LRBA: variants seen among roughly 807,000 people sequenced by gnomAD.
LRBA encodes LPS responsive beige-like anchor protein.
LRBA carries 176 observed loss-of-function variants against 330.0 expected under a neutral mutation model. The ratio of observed to expected loss-of-function variants is 0.53; its 90% CI spans 0.47 to 0.60. The LOEUF (loss-of-function observed/expected upper bound fraction) is 0.60, where lower values mean the gene tolerates loss of function less well. Ranked by LOEUF, LRBA falls within the 20% of genes least tolerant of loss-of-function variation. LRBA has a pLI of 0.00. For synonymous variants in LRBA, 1,230 were observed against 1,193.0 expected (o/e 1.03, Z -0.64); for missense variants, 3,259 against 3,444.8 (o/e 0.95, Z 1.35).
chr4:150,891,326 A>G (rs753430106), intron 17 of LRBA, among the ~76,000 whole-genome samples: 2 of 152,248 alleles, frequency 1.3e-5, no homozygotes, highest in Non-Finnish European at 2.9e-5. Context: ...ACTTTGTTTG[A>G]CAGCAAAACT....
chr4:150,471,016 C>T (rs927193720), intron 43 of LRBA, among the ~76,000 whole-genome samples: 16 of 152,226 alleles, frequency 1.1e-4, no homozygotes, highest in African/African-American at 3.6e-4. Flanking sequence ...AAAAGTTTCC[C>T]AATGAACTGA....
chr4:150,946,173 T>C (rs1736226296), intron 2 of LRBA, among the ~76,000 whole-genome samples: 1 of 152,232 alleles, frequency 6.6e-6, no homozygotes, highest in Non-Finnish European at 1.5e-5. Flanking sequence ...TGAAAGCTAC[T>C]AATTTTATCT....
intron 2 of LRBA, among the ~76,000 whole-genome samples, chr4:150,955,737 C>G (rs1412248756): frequency 2.0e-5 from 3 of 148,488 alleles, no homozygotes; most frequent in Non-Finnish European, 2.9e-5. Context: ...ACTAAAAATA[C>G]AAAAATTACC....
chr4:151,009,146 AGGCATGAGCCACT>A (rs1247232851), intron 2 of LRBA, among the ~76,000 whole-genome samples: 8 of 149,508 alleles, frequency 5.4e-5, no homozygotes, highest in African/African-American at 7.4e-5. Flanking sequence ...CTGGGATTAT[AGGCATGAGCCACT>A]GTGCCCAGCT....
intron 56 of LRBA, among the ~76,000 whole-genome samples, chr4:150,275,095 T>C (rs998338755): frequency 6.6e-6 from 1 of 152,184 alleles, no homozygotes; most frequent in Non-Finnish European, 1.5e-5. Context: ...TCAAGTGGGC[T>C]TCATCCCTAG....
At chr4:150,442,929 A>ATT (rs1752023328) in intron 44 of LRBA, among the ~76,000 whole-genome samples, 1 of 152,148 alleles carries the variant, frequency 6.6e-6, no homozygotes, top group African/African-American at 2.4e-5. Context: ...CTCCAGGGAA[A>ATT]AACTATGATA....
At chr4:150,728,727 G>T (rs1312673048) in intron 36 of LRBA, among the ~76,000 whole-genome samples, 2 of 150,680 alleles carry the variant, frequency 1.3e-5, no homozygotes, top group Admixed American at 6.6e-5. Context: ...ATATATGACA[G>T]ACCCACAACC....
chr4:150,572,194 CT>C (rs1407611104), intron 40 of LRBA, among the ~76,000 whole-genome samples: 10 of 152,086 alleles, frequency 6.6e-5, no homozygotes, highest in Admixed American at 1.3e-4. Flanking sequence ...ATTCATCAAA[CT>C]TTAGTCATTA....
intron 47 of LRBA, among the ~76,000 whole-genome samples, chr4:150,371,793 A>G (rs573151656): frequency 4.6e-5 from 7 of 152,292 alleles, no homozygotes; most frequent in East Asian, 3.9e-4. Flanking sequence ...GATACCATAA[A>G]GCTTAAAGTT....
At chr4:150,684,868 G>A (rs763311368) in intron 36 of LRBA, among the ~76,000 whole-genome samples, 1 of 151,960 alleles carries the variant, frequency 6.6e-6, no homozygotes, top group Non-Finnish European at 1.5e-5. Flanking sequence ...TACCAGTTTC[G>A]ATAGATTGCT....
At chr4:150,567,147 AT>A (rs2152278479) in intron 40 of LRBA, among the ~76,000 whole-genome samples, 1 of 152,272 alleles carries the variant, frequency 6.6e-6, no homozygotes, top group South Asian at 2.1e-4. Context: ...GACTGCAATC[AT>A]TTTATTAAAA....
intron 56 of LRBA, among the ~76,000 whole-genome samples, chr4:150,271,066 G>T (rs1446774868): frequency 6.6e-6 from 1 of 152,166 alleles, no homozygotes; most frequent in Non-Finnish European, 1.5e-5. Flanking sequence ...GCAAGCCGAA[G>T]CAGGGTGGGG....
At chr4:150,751,643 T>C (rs1293491791) in intron 35 of LRBA, among the ~76,000 whole-genome samples, 1 of 152,084 alleles carries the variant, frequency 6.6e-6, no homozygotes, top group Non-Finnish European at 1.5e-5. Context: ...AATGTCTAAA[T>C]GCAGAGCATA....
chr4:150,465,333 T>C (rs937599716), intron 44 of LRBA, among the ~76,000 whole-genome samples: 1 of 152,170 alleles, frequency 6.6e-6, no homozygotes, highest in Non-Finnish European at 1.5e-5. Context: ...TTCTATCTCT[T>C]AGCTGTTGTG....
rs1728588092 is a variant in LRBA, at chr4:150,718,996, A to T, written c.5754+16262T>A. Among the ~76,000 whole-genome samples the T allele has an allele frequency of 3.3e-5, 5 of 152,214 alleles. No individual in the cohort carries two copies. The South Asian group carries it at 8.3e-4, about 25-fold the overall frequency. On this transcript the variant is annotated intron_variant, in intron 36 of 56. Coordinates refer to ENST00000651943, the MANE Select transcript of LRBA (RefSeq NM_001364905.1). ...AACTTATAAAATGAGGGATAATATC[A>T]GTACTATCTCAGAGGTTTGTTGTAA...
intron 40 of LRBA, among the ~76,000 whole-genome samples, chr4:150,517,673 G>T (rs1367246553): frequency 1.3e-5 from 2 of 152,102 alleles, no homozygotes; most frequent in African/African-American, 4.8e-5. Flanking sequence ...TAAGCTGCGG[G>T]TATATTCACA....
intron 52 of LRBA, among the ~76,000 whole-genome samples, chr4:150,303,004 C>T (rs988009048): frequency 3.9e-5 from 6 of 152,108 alleles, no homozygotes; most frequent in African/African-American, 1.4e-4. Flanking sequence ...TTTTGAAAGG[C>T]ATGTGTTAAA....
chr4:150,461,770 G>A (rs764301574), intron 44 of LRBA, among the ~76,000 whole-genome samples: 1 of 151,722 alleles, frequency 6.6e-6, no homozygotes, highest in East Asian at 1.9e-4. Flanking sequence ...CCAAGAACAT[G>A]CTGGTTTTTT....
intron 55 of LRBA, 84 bp from the exon 56 acceptor site, chr4:150,278,088 A>C: frequency 2.5e-6 from 3 of 1,186,070 alleles, no homozygotes; most frequent in Non-Finnish European, 3.7e-6. Flanking sequence ...TTCTTACACC[A>C]GCTACTACGG....
Sources: gnomAD v4.1 joint callset for allele counts (sites outside exome capture counted in the v4.1 genomes callset) on GRCh38, gnomAD v4.1.1 for gene constraint, MANE v1.5 for transcripts, NCBI Gene and HGNC (gene_info 2026-07-23, HGNC 2026-07-21) for gene names.